Variants in PCDHA12 observed in about 807,000 individuals in gnomAD.
PCDHA12 encodes protocadherin alpha-12.
In PCDHA12, 44 loss-of-function variants were observed where a neutral mutation model predicts 60.0. The observed-to-expected ratio is 0.73, with a 90% CI of 0.58 to 0.94. The LOEUF (loss-of-function observed/expected upper bound fraction) is 0.94. Ranked by LOEUF, PCDHA12 falls within the 40% of genes least tolerant of loss-of-function variation. The probability of loss-of-function intolerance (pLI) is 0.00; values close to 1 mark genes in which losing one functional copy is unlikely to be tolerated. For missense variants in PCDHA12, 1,276 were observed against 1,239.7 expected (o/e 1.03, Z -0.44); for synonymous variants, 569 against 553.0 (o/e 1.03, Z -0.40).
At chr5:140,950,458 A>G (rs568340492) in intron 1 of PCDHA12, among the ~76,000 whole-genome samples, 5 of 152,142 alleles carry the variant, frequency 3.3e-5, no homozygotes, top group Admixed American at 2.6e-4. Flanking sequence ...CTGTCTTCTA[A>G]TGCTCATAGT....
chr5:140,985,683 G>A (rs926848363), intron 3 of PCDHA12, among the ~76,000 whole-genome samples: 3 of 151,224 alleles, frequency 2.0e-5, no homozygotes, highest in African/African-American at 7.3e-5. Context: ...CCTGCCTTAC[G>A]CTAATCCTCG....
intron 1 of PCDHA12, among the ~76,000 whole-genome samples, chr5:140,920,661 T>C (rs1301918138): frequency 3.9e-5 from 6 of 152,042 alleles, no homozygotes; most frequent in African/African-American, 1.4e-4. Flanking sequence ...CTTGCCAACA[T>C]GGTGAAACCC....
chr5:140,928,801 G>T (rs1554206325), intron 1 of PCDHA12: 1 of 1,614,066 alleles, frequency 6.2e-7, no homozygotes, highest in African/African-American at 1.3e-5. Flanking sequence ...GGTGGTGGTA[G>T]TGGTTCGGGA....
rs782017107 is a variant in PCDHA12 at position 140,968,690 on chromosome 5, A to G, written c.2368-10259A>G. ...TAAGGTAGAGCTGCACACAGGAGAAATTAGGACTACCAGGAAGATGGGAGA... is the reference window on the plus strand; with the variant it reads ...TAAGGTAGAGCTGCACACAGGAGAAGTTAGGACTACCAGGAAGATGGGAGA... On this transcript the variant is annotated intron_variant, in intron 1 of 3. Transcript: ENST00000398631. 60 of 1,614,030 alleles carry G rather than the reference A, an allele frequency of 3.7e-5. No individual in the cohort carries two copies. The highest frequency in any genetic ancestry group is 4.8e-5 in the Non-Finnish European group (57 of 1,180,040).
At chr5:140,982,625 T>C in intron 3 of PCDHA12, 62 bp downstream of exon 3, 1 of 1,582,614 alleles carries the variant, frequency 6.3e-7, no homozygotes, top group South Asian at 1.2e-5. Context: ...ATGACCTACT[T>C]TTGTAAGATC....
At chr5:140,927,436 T>A (rs776039540) in intron 1 of PCDHA12, 1 of 1,614,132 alleles carries the variant, frequency 6.2e-7, no homozygotes, top group Non-Finnish European at 8.5e-7. Context: ...CGGCAGCGAA[T>A]ACCCGGAGTT....
chr5:141,010,233 G>C lies in PCDHA12; in HGVS notation c.*296G>C, dbSNP rs1156230400. ...AAGGAGAGGCTTCCCAGCCCCGCCA[G>C]TGAGAGGTTGGACTCTCTGCCCTGT... On this transcript the variant is annotated 3_prime_UTR_variant, in exon 4 of 4. Transcript: ENST00000398631. 1.9e-6 allele frequency: 3 copies of C among 1,551,812 alleles called. No homozygotes were observed. The highest frequency in any genetic ancestry group is 2.6e-6 in the Non-Finnish European group (3 of 1,147,042).
intron 1 of PCDHA12, among the ~76,000 whole-genome samples, chr5:140,945,754 G>T (rs1206591237): frequency 1.3e-5 from 2 of 152,078 alleles, no homozygotes; most frequent in African/African-American, 4.8e-5. Context: ...TTCAATAAAT[G>T]GTGGTGGGAC....
intron 1 of PCDHA12, among the ~76,000 whole-genome samples, chr5:140,941,191 T>TTTTTC (rs1554213809): frequency 1.8e-4 from 17 of 93,256 alleles, no homozygotes; most frequent in Middle Eastern, 5.1e-3. Context: ...GCTTCTTTTT[T>TTTTTC]TTTCTTTCTT....
chr5:140,993,460 TCTCACACACACA>T (rs2097560533), intron 3 of PCDHA12, among the ~76,000 whole-genome samples: 2 of 104,506 alleles, frequency 1.9e-5, no homozygotes, highest in South Asian at 3.7e-4. Context: ...CTTCTTTCTT[TCTCACACACACA>T]CACACACACA....
intron 1 of PCDHA12, among the ~76,000 whole-genome samples, chr5:140,924,976 C>T (rs1376073492): frequency 6.6e-6 from 1 of 151,048 alleles, no homozygotes; most frequent in Non-Finnish European, 1.5e-5. Context: ...TGCAGTGGCT[C>T]ATGTCTGTAA....
chr5:140,987,138 C>T (rs2097231368), intron 3 of PCDHA12, among the ~76,000 whole-genome samples: 1 of 151,182 alleles, frequency 6.6e-6, no homozygotes, highest in Non-Finnish European at 1.5e-5. Context: ...TGCTTGAACT[C>T]GGGAGGTGGA....
chr5:141,000,292 T>C (rs2097899521), intron 3 of PCDHA12, among the ~76,000 whole-genome samples: 1 of 149,730 alleles, frequency 6.7e-6, no homozygotes, highest in Non-Finnish European at 1.5e-5. Flanking sequence ...GGAATATTGC[T>C]TGAGGCCAGG....
At chr5:140,969,152 T>C in intron 1 of PCDHA12, 1 of 1,614,002 alleles carries the variant, frequency 6.2e-7, no homozygotes, top group East Asian at 2.2e-5. Flanking sequence ...CTACAAGGCC[T>C]GTCTGACAGC....
At chr5:140,925,131 T>A (rs986113292) in intron 1 of PCDHA12, among the ~76,000 whole-genome samples, 5 of 150,904 alleles carry the variant, frequency 3.3e-5, no homozygotes, top group East Asian at 1.9e-4. Context: ...GGAAAAAAAA[T>A]TTCAAACATA....
At chr5:140,906,253 A>ACCTC (rs1329710908) in intron 1 of PCDHA12, among the ~76,000 whole-genome samples, 2 of 152,064 alleles carry the variant, frequency 1.3e-5, no homozygotes, top group African/African-American at 4.8e-5. Flanking sequence ...ACCCATACAC[A>ACCTC]CCTCCTGAAA....
Position 140,877,402 on chromosome 5 carries a change from C to T in PCDHA12, c.1930C>T (p.Arg644Cys). The part of the protein sequence containing the change: ...TRILDEADAP[R>C]HRLLVLVKDH... ...CATCCTGGATGAGGCGGACGCTCCG[C>T]GCCACCGCCTGCTGGTGCTGGTGAA... is the stretch of plus-strand genomic sequence containing the variant. The change falls in exon 1 of 4, where the codon CGC becomes TGC. Residue 644 changes from arginine (R) to cysteine (C), a missense_variant. Transcript: ENST00000398631. 6.2e-7 allele frequency: 1 copy of T among 1,613,934 alleles called. No individual in the cohort carries two copies. The highest frequency in any genetic ancestry group is 1.3e-5 in the African/African-American group (1 of 75,048).
At chr5:140,928,625 A>C in intron 1 of PCDHA12, 1 of 1,614,224 alleles carries the variant, frequency 6.2e-7, no homozygotes, top group Non-Finnish European at 8.5e-7. Flanking sequence ...AGGACTGGAC[A>C]CTTGGTCACA....
At chr5:140,998,156 C>T (rs782675490) in intron 3 of PCDHA12, among the ~76,000 whole-genome samples, 3 of 152,178 alleles carry the variant, frequency 2.0e-5, no homozygotes, top group Non-Finnish European at 4.4e-5. Context: ...ACAGTTAAGC[C>T]ATGTGCCAAG....
Sources: allele counts gnomAD v4.1 joint callset (sites outside exome capture counted in the v4.1 genomes callset), GRCh38; gene constraint gnomAD v4.1.1; transcripts MANE v1.5; gene names NCBI Gene and HGNC (gene_info 2026-07-23, HGNC 2026-07-21).